The following SOX5 variants were observed in gnomAD, a reference collection of about 807,000 sequenced individuals.
SOX5 encodes the protein transcription factor SOX-5.
In SOX5, 9 loss-of-function variants were observed where a neutral mutation model predicts 92.0. That is an observed-to-expected ratio of 0.10 (90% CI 0.06 to 0.17). The LOEUF (loss-of-function observed/expected upper bound fraction) is 0.17. SOX5 is among the 10% of genes least tolerant of loss of function. SOX5 has a pLI of 1.00. For missense variants in SOX5, 642 were observed against 944.5 expected (o/e 0.68, Z 4.20); for synonymous variants, 344 against 336.3 (o/e 1.02, Z -0.25).
intron 3 of SOX5, among the ~76,000 whole-genome samples, chr12:23,794,168 T>G (rs1261116208): frequency 1.3e-5 from 2 of 152,142 alleles, no homozygotes. Flanking sequence ...TATGAAGAGT[T>G]TTATTGATTT....
At chr12:23,639,306 CAT>C in intron 8 of SOX5, among the ~76,000 whole-genome samples, 1 of 152,304 alleles carries the variant, frequency 6.6e-6, no homozygotes, top group South Asian at 2.1e-4. Flanking sequence ...TGTTGCTTAA[CAT>C]AGCTACTTTC....
At chr12:23,733,994 GT>G (rs1419731776) in intron 6 of SOX5, among the ~76,000 whole-genome samples, 1 of 152,134 alleles carries the variant, frequency 6.6e-6, no homozygotes, top group Non-Finnish European at 1.5e-5. Flanking sequence ...AGTAAGTGCT[GT>G]TCAGAAAGTA....
chr12:24,182,277 AGGTC>A (rs1235703951), intron 4 of SOX5, among the ~76,000 whole-genome samples: 1 of 152,228 alleles, frequency 6.6e-6, no homozygotes, highest in Non-Finnish European at 1.5e-5. Context: ...TAAAGGGGAA[AGGTC>A]TTTTCATATG....
At chr12:23,732,088 T>C (rs557240621) in intron 6 of SOX5, among the ~76,000 whole-genome samples, 1 of 152,192 alleles carries the variant, frequency 6.6e-6, no homozygotes, top group Non-Finnish European at 1.5e-5. Context: ...TTAAAATAAA[T>C]CTTATAATAT....
At chr12:24,261,978 A>G (rs939532778) in intron 3 of SOX5, among the ~76,000 whole-genome samples, 7 of 152,250 alleles carry the variant, frequency 4.6e-5, no homozygotes, top group African/African-American at 1.7e-4. Context: ...AATATATTCC[A>G]TAAATGTTTA....
In SOX5 at chr12:23,547,134, GC is replaced by G. The variant is rs771797040; in HGVS notation, c.1489-711del. Among the ~76,000 whole-genome samples, 4 of 152,226 alleles carry G rather than the reference GC, an allele frequency of 2.6e-5. No individual in the cohort carries two copies. In the South Asian group the frequency reaches 8.3e-4, roughly 32 times the overall value. On this transcript the variant is annotated intron_variant, in intron 11 of 14. Transcript: ENST00000451604. ...ACGATTCACATTCATGGAGAACATA[GC>G]ATTTCAAAATAAATTATTTTTAAGA...
intron 4 of SOX5, among the ~76,000 whole-genome samples, chr12:24,011,276 C>T (rs1218686034): frequency 2.0e-5 from 3 of 152,150 alleles, no homozygotes; most frequent in Non-Finnish European, 4.4e-5. Flanking sequence ...CACATGCATA[C>T]ACACTCATAC....
At chr12:23,787,482 G>A (rs1171557104) in intron 3 of SOX5, among the ~76,000 whole-genome samples, 1 of 151,778 alleles carries the variant, frequency 6.6e-6, no homozygotes, top group Non-Finnish European at 1.5e-5. Context: ...CATATCATTG[G>A]TTAAAAGAAA....
intron 4 of SOX5, among the ~76,000 whole-genome samples, chr12:24,095,121 A>G (rs1945178510): frequency 1.2e-5 from 1 of 84,386 alleles, no homozygotes. Context: ...ACACACACAC[A>G]CACACACAGA....
intron 3 of SOX5, among the ~76,000 whole-genome samples, chr12:24,218,021 C>T (rs765998853): frequency 1.8e-4 from 27 of 152,144 alleles, no homozygotes; most frequent in Non-Finnish European, 3.5e-4. Context: ...TCATAGATTG[C>T]TGGTGGAAAT....
chr12:24,165,421 T>C (rs1230989376), intron 4 of SOX5, among the ~76,000 whole-genome samples: 2 of 152,196 alleles, frequency 1.3e-5, no homozygotes, highest in Non-Finnish European at 2.9e-5. Flanking sequence ...GAAATGATAT[T>C]CTATATCAGA....
intron 13 of SOX5, among the ~76,000 whole-genome samples, chr12:23,542,582 T>C (rs927633228): frequency 1.3e-5 from 2 of 152,224 alleles, no homozygotes; most frequent in African/African-American, 4.8e-5. Flanking sequence ...TTCTGTTCAA[T>C]TGAATGTTGC....
intron 4 of SOX5, among the ~76,000 whole-genome samples, chr12:23,964,529 G>A (rs1947321172): frequency 6.6e-6 from 1 of 152,122 alleles, no homozygotes; most frequent in Non-Finnish European, 1.5e-5. Flanking sequence ...CTCCTTCAAG[G>A]CCAACTTTGT....
chr12:23,559,827 C>A (rs1009179594), intron 11 of SOX5, among the ~76,000 whole-genome samples: 4 of 151,988 alleles, frequency 2.6e-5, no homozygotes, highest in Non-Finnish European at 2.9e-5. Flanking sequence ...TCCTTTCTCC[C>A]AGTTCCTTTC....
intron 4 of SOX5, among the ~76,000 whole-genome samples, chr12:24,033,832 A>AC (rs1436668478): frequency 6.6e-6 from 1 of 152,058 alleles, no homozygotes; most frequent in Non-Finnish European, 1.5e-5. Context: ...ACACAATGCT[A>AC]CCTTACGCTA....
At chr12:23,545,452 T>C (rs1020712236) in intron 12 of SOX5, among the ~76,000 whole-genome samples, 3 of 152,158 alleles carry the variant, frequency 2.0e-5, no homozygotes, top group African/African-American at 7.2e-5. Context: ...TTTAATTTCT[T>C]CTCACTGTGG....
At chr12:24,159,078 C>G (rs900284737) in intron 4 of SOX5, among the ~76,000 whole-genome samples, 99 of 151,938 alleles carry the variant, frequency 6.5e-4, no homozygotes, top group African/African-American at 2.3e-3. Context: ...AAATGATTCT[C>G]AGGTATATCA....
intron 7 of SOX5, among the ~76,000 whole-genome samples, chr12:23,653,025 C>A (rs1442296489): frequency 1.1e-5 from 1 of 91,200 alleles, no homozygotes; most frequent in South Asian, 3.5e-4. Flanking sequence ...GATGAATGTA[C>A]AGATAGATGG....
chr12:23,757,308 C>T (rs531818129), intron 3 of SOX5, among the ~76,000 whole-genome samples: 6 of 151,900 alleles, frequency 3.9e-5, no homozygotes, highest in Admixed American at 1.3e-4. Flanking sequence ...GAACTAATAC[C>T]GAAAAATTTA....
Sources: gnomAD v4.1 joint callset for allele counts (sites outside exome capture counted in the v4.1 genomes callset) on GRCh38, gnomAD v4.1.1 for gene constraint, MANE v1.5 for transcripts, NCBI Gene and HGNC (gene_info 2026-07-23, HGNC 2026-07-21) for gene names.